FSD1L: variants seen among roughly 807,000 people sequenced by gnomAD.
FSD1L encodes fibronectin type III and SPRY domain containing 1 like.
In FSD1L, 45 loss-of-function variants were observed where a neutral mutation model predicts 71.6. The observed-to-expected ratio is 0.63, with a 90% CI of 0.49 to 0.81. FSD1L has a LOEUF of 0.81. FSD1L is among the 30% of genes least tolerant of loss of function. The pLI is 0.00. For missense variants in FSD1L, 561 were observed against 618.1 expected, an observed-to-expected ratio of 0.91 and a Z score of 0.98; for synonymous variants, 197 against 207.2, an observed-to-expected ratio of 0.95 and a Z score of 0.42.
At chr9:105,507,856 C>A (rs1354531954) in intron 8 of FSD1L, among the ~76,000 whole-genome samples, 2 of 149,608 alleles carry the variant, frequency 1.3e-5, no homozygotes, top group African/African-American at 4.9e-5. Flanking sequence ...ATAATTAAAT[C>A]ATGATTCCTC....
chr9:105,476,984 A>G (rs189656700), intron 5 of FSD1L, among the ~76,000 whole-genome samples: 2 of 152,292 alleles, frequency 1.3e-5, no homozygotes, highest in Admixed American at 1.3e-4. Flanking sequence ...GGTATATTCT[A>G]TGTAAATGCA....
chr9:105,522,916 G>C (rs1835269064), intron 10 of FSD1L: 4 of 1,611,822 alleles, frequency 2.5e-6, no homozygotes, highest in Non-Finnish European at 3.4e-6. Flanking sequence ...GATGACCCAG[G>C]TGTGCCCTCA....
intron 10 of FSD1L, among the ~76,000 whole-genome samples, chr9:105,517,738 C>T (rs138906859): frequency 0.013 from 2,045 of 152,178 alleles, 33 homozygotes; most frequent in Non-Finnish European, 0.019. Flanking sequence ...GACACTATGA[C>T]GAAACTGCAT....
At chr9:105,486,736 CCTGCTTAT>C (rs1832575741) in intron 7 of FSD1L, among the ~76,000 whole-genome samples, 1 of 152,074 alleles carries the variant, frequency 6.6e-6, no homozygotes. Context: ...GTTGTCCTTT[CCTGCTTAT>C]CTGTTTACAT....
chr9:105,464,117 A>G (rs894762325), intron 2 of FSD1L, 119 bp from the exon 3 acceptor site: 55 of 608,282 alleles, frequency 9.0e-5, no homozygotes, highest in Non-Finnish European at 1.5e-4. Flanking sequence ...GAAATTTTAC[A>G]TTGCTCCTAT....
chr9:105,546,338 GTTTT>G lies in FSD1L; in HGVS notation c.1468-16_1468-13del. 1.3e-6 allele frequency: 2 copies of G among 1,503,968 alleles called. No individual in the cohort carries two copies. Among genetic ancestry groups the G allele is most frequent in the Non-Finnish European group, 1.8e-6 (2 of 1,131,024 alleles). The allele number at this position is 1,503,968 out of a possible 1,614,324, so 93.2% of individuals were successfully genotyped here. ...TCTAGTTTGATTTGCAATCTGACAG[GTTTT>G]TTTGTCTTTTCTTAGGTATGGTGTG... On this transcript the variant is annotated splice_polypyrimidine_tract_variant and intron_variant, in intron 13 of 13. Coordinates refer to ENST00000481272, the MANE Select transcript of FSD1L (RefSeq NM_001145313.3).
chr9:105,477,958 G>A (rs888045953), intron 5 of FSD1L, among the ~76,000 whole-genome samples: 2 of 152,166 alleles, frequency 1.3e-5, no homozygotes, highest in Non-Finnish European at 2.9e-5. Context: ...TCTCAGTTCT[G>A]TGTTGCCTGG....
intron 13 of FSD1L, among the ~76,000 whole-genome samples, chr9:105,541,288 CTTT>C (rs35751327): frequency 1.5e-4 from 21 of 139,568 alleles, no homozygotes; most frequent in Admixed American, 4.3e-4. Flanking sequence ...TTTCTTTTTC[CTTT>C]TTTTTTTTTT....
intron 5 of FSD1L, among the ~76,000 whole-genome samples, chr9:105,474,541 C>A (rs1831672068): frequency 6.6e-6 from 1 of 152,186 alleles, no homozygotes; most frequent in Non-Finnish European, 1.5e-5. Flanking sequence ...TACAGGCCTG[C>A]CTCAAACACC....
At chr9:105,545,497 G>A (rs994956545) in intron 13 of FSD1L, among the ~76,000 whole-genome samples, 1 of 148,144 alleles carries the variant, frequency 6.8e-6, no homozygotes, top group Non-Finnish European at 1.5e-5. Flanking sequence ...TCCCTGTCTT[G>A]TGCCAGTTTT....
chr9:105,546,281 C>T, intron 13 of FSD1L, 77 bp from the exon 14 acceptor site: 1 of 1,382,686 alleles, frequency 7.2e-7, no homozygotes, highest in Non-Finnish European at 9.6e-7. Context: ...GGCATTTTGC[C>T]TTTGAAATGG....
At chr9:105,458,629 G>A (rs1455592965) in intron 1 of FSD1L, among the ~76,000 whole-genome samples, 1 of 152,158 alleles carries the variant, frequency 6.6e-6, no homozygotes, top group Non-Finnish European at 1.5e-5. Context: ...TGGTCCATGG[G>A]TGGGCGTGGA....
At chr9:105,521,060 C>T in intron 10 of FSD1L, 1 of 1,613,210 alleles carries the variant, frequency 6.2e-7, no homozygotes, top group South Asian at 1.1e-5. Flanking sequence ...TACTTGACAT[C>T]CCGCAGATGA....
chr9:105,536,598 C>T (rs1836278067), intron 12 of FSD1L, among the ~76,000 whole-genome samples: 1 of 151,878 alleles, frequency 6.6e-6, no homozygotes, highest in South Asian at 2.1e-4. Context: ...TTGTCTTTTT[C>T]TTTTGTTAGG....
In FSD1L at chr9:105,481,761, C is replaced by T. The variant is rs571254657; in HGVS notation, c.464+2385C>T. ...AAAATAATTACTGTAGCTATTTTCACCAAGCAAAGAAAGGATTTTTTTTTT... is the reference window on the plus strand; with the variant it reads ...AAAATAATTACTGTAGCTATTTTCATCAAGCAAAGAAAGGATTTTTTTTTT... On this transcript the variant is annotated intron_variant, in intron 6 of 13. Coordinates refer to ENST00000481272, the MANE Select transcript of FSD1L (RefSeq NM_001145313.3). 5.3e-5 allele frequency among the ~76,000 whole-genome samples: 8 copies of T among 151,714 alleles called. No homozygotes were observed. The South Asian group carries it at 1.7e-3, about 32-fold the overall frequency.
rs530069158 is a variant in FSD1L at position 105,476,229 on chromosome 9, C to T, written c.442-3125C>T. On this transcript the variant is annotated intron_variant, in intron 5 of 13. Transcript: ENST00000481272. ...GGTTTGCGATTACTTCTTCTTTACT[C>T]GTATTACAGTTTCTCTGCATTCATA... Among the ~76,000 whole-genome samples, 4 of 152,266 alleles carry T rather than the reference C, an allele frequency of 2.6e-5. No individual in the cohort carries two copies. The South Asian group carries it at 6.2e-4, about 24-fold the overall frequency.
At chr9:105,542,736 A>T (rs1589116280) in intron 13 of FSD1L, among the ~76,000 whole-genome samples, 2 of 152,370 alleles carry the variant, frequency 1.3e-5, no homozygotes, top group African/African-American at 4.8e-5. Context: ...GATTACAGGC[A>T]TGAGCCACTG....
chr9:105,520,707 T>G, intron 10 of FSD1L: 1 of 1,613,520 alleles, frequency 6.2e-7, no homozygotes, highest in Non-Finnish European at 8.5e-7. Flanking sequence ...CTGGATGTTT[T>G]CATGCTTAAT....
intron 7 of FSD1L, among the ~76,000 whole-genome samples, chr9:105,504,914 G>A (rs1228779225): frequency 1.3e-5 from 2 of 152,184 alleles, no homozygotes; most frequent in Non-Finnish European, 2.9e-5. Context: ...AATTGAGCAT[G>A]ATAATACAGA....
Sources: gnomAD v4.1 joint callset for allele counts (sites outside exome capture counted in the v4.1 genomes callset) on GRCh38, gnomAD v4.1.1 for gene constraint, MANE v1.5 for transcripts, NCBI Gene and HGNC (gene_info 2026-07-23, HGNC 2026-07-21) for gene names.